SLC18A1: variants seen among roughly 807,000 people sequenced by gnomAD.
SLC18A1 encodes the protein chromaffin granule amine transporter.
A neutral mutation model predicts 53.7 loss-of-function variants in SLC18A1; 69 were observed. That is an observed-to-expected ratio of 1.28 (90% CI 1.06 to 1.57). The LOEUF is 1.57. Ranked by LOEUF, SLC18A1 falls within the 40% of genes most tolerant of loss-of-function variation. SLC18A1 has a pLI of 0.00. For synonymous variants in SLC18A1, 320 were observed against 248.1 expected (o/e 1.29, Z -2.72); for missense variants, 932 against 668.1 (o/e 1.40, Z -4.35).
intron 4 of SLC18A1, 149 bp downstream of exon 4, chr8:20,178,285 CA>C: frequency 4.7e-6 from 3 of 636,990 alleles, no homozygotes; most frequent in Middle Eastern, 3.3e-4. Context: ...GTCCACATAC[CA>C]AAAACAGCAG....
chr8:20,149,568 G>T, intron 12 of SLC18A1, 108 bp downstream of exon 12: 1 of 885,704 alleles, frequency 1.1e-6, no homozygotes, highest in African/African-American at 1.8e-5. Flanking sequence ...AAATGTCTGT[G>T]TCTTTCTCTC....
intron 5 of SLC18A1, among the ~76,000 whole-genome samples, 177 bp from the exon 6 acceptor site, chr8:20,173,305 A>G (rs1234269222): frequency 6.6e-6 from 1 of 152,156 alleles, no homozygotes; most frequent in Non-Finnish European, 1.5e-5. Context: ...CTAGTCCCCC[A>G]AGCCCCCACA....
intron 10 of SLC18A1, among the ~76,000 whole-genome samples, chr8:20,161,434 T>A (rs769129472): frequency 4.6e-5 from 7 of 152,174 alleles, no homozygotes; most frequent in Non-Finnish European, 8.8e-5. Flanking sequence ...ATATAGCATT[T>A]CCATTGCATT....
chr8:20,157,944 A>G (rs2071723128), intron 10 of SLC18A1, among the ~76,000 whole-genome samples: 1 of 152,216 alleles, frequency 6.6e-6, no homozygotes, highest in Non-Finnish European at 1.5e-5. Flanking sequence ...CGCTTTAAAA[A>G]AGATTGTCCG....
Position 20,147,719 on chromosome 8 carries a change from A to C in SLC18A1, c.1214T>G (p.Met405Arg). ...PNAGLGLAIG[M>R]VDSSMMPIMG... ...GATGGGCATCATAGAAGAATCCACCATGCCTGTGGCCAGAGCAAACAGGAC... is the reference window on the plus strand; with the variant it reads ...GATGGGCATCATAGAAGAATCCACCCTGCCTGTGGCCAGAGCAAACAGGAC... Residue 405 changes from methionine to arginine, a missense_variant, in exon 14 of 16, where the codon ATG becomes AGG. By Grantham distance (91) the Met-to-Arg change is moderately conservative. Coordinates refer to ENST00000276373, the MANE Select transcript of SLC18A1 (RefSeq NM_003053.4). 6.2e-7 allele frequency: 1 copy of C among 1,613,046 alleles called. No individual in the cohort carries two copies. The highest frequency in any genetic ancestry group is 2.2e-5 in the East Asian group (1 of 44,824).
Position 20,178,371 on chromosome 8 carries a change from G to A in SLC18A1, c.547+64C>T, listed in dbSNP as rs371353314. On this transcript the variant is annotated intron_variant, in intron 4 of 15. Coordinates refer to ENST00000276373, the MANE Select transcript of SLC18A1 (RefSeq NM_003053.4). ...TCTAGGTTACCCTGCTATCTACACC[G>A]CATTCACTTGATAAAATCAAAGGTA... 4.7e-5 allele frequency: 61 copies of A among 1,305,974 alleles called. No homozygotes were observed. In the Middle Eastern group the frequency reaches 5.5e-4, roughly 12 times the overall value. 80.9% of individuals were successfully genotyped at this position (1,305,974 alleles called of 1,614,324 possible).
intron 12 of SLC18A1, 83 bp downstream of exon 12, chr8:20,149,589 CCTCT>C (rs60330468): frequency 0.057 from 44,038 of 770,420 alleles, 543 homozygotes; most frequent in East Asian, 0.16. Context: ...TCTCTCTCTC[CCTCT>C]CTCTCTCTCT....
At chr8:20,166,289 C>CTATATATATATA (rs1181101416) in intron 8 of SLC18A1, among the ~76,000 whole-genome samples, 11 of 107,256 alleles carry the variant, frequency 1.0e-4, no homozygotes, top group African/African-American at 1.7e-4. Flanking sequence ...GTGTGTGTGT[C>CTATATATATATA]TATATATATA....
intron 10 of SLC18A1, among the ~76,000 whole-genome samples, chr8:20,159,585 T>A (rs139139718): frequency 1.9e-3 from 250 of 130,364 alleles, no homozygotes; most frequent in African/African-American, 6.5e-3. Flanking sequence ...TTGGGCCGCC[T>A]CCCATTATAT....
intron 2 of SLC18A1, among the ~76,000 whole-genome samples, chr8:20,180,368 T>C (rs1427140502): frequency 6.6e-6 from 1 of 152,042 alleles, no homozygotes; most frequent in Non-Finnish European, 1.5e-5. Flanking sequence ...TAGGAGAGTA[T>C]CAACTAAAAA....
intron 5 of SLC18A1, among the ~76,000 whole-genome samples, chr8:20,173,426 G>A (rs1339007072): frequency 6.6e-6 from 1 of 152,050 alleles, no homozygotes; most frequent in Non-Finnish European, 1.5e-5. Flanking sequence ...TCATTTCCTA[G>A]CACATTTCCC....
At chr8:20,178,121 A>AACACAC (rs10560327) in intron 4 of SLC18A1, among the ~76,000 whole-genome samples, 35,097 of 148,638 alleles carry the variant, frequency 0.24, 4,803 homozygotes, top group Non-Finnish European at 0.32. Context: ...TGATGCATAT[A>AACACAC]ACACACACAC....
chr8:20,171,497 G>A lies in SLC18A1; in HGVS notation c.725-3C>T, dbSNP rs1196123014. On this transcript the variant is annotated splice_polypyrimidine_tract_variant and splice_region_variant and intron_variant, in intron 6 of 15. Transcript: ENST00000276373. The stretch of plus-strand genomic sequence containing the variant: ...TACACTTCCAAAGGGAGCTCCCACT[G>A]GAGAGGCATAGGAGACACAGATTCC... The A allele has an allele frequency of 6.2e-7, 1 of 1,612,006 alleles. No individual in the cohort carries two copies. The highest frequency in any genetic ancestry group is 1.7e-5 in the Admixed American group (1 of 60,020).
chr8:20,161,409 G>A (rs1219219494), intron 10 of SLC18A1, among the ~76,000 whole-genome samples: 1 of 152,060 alleles, frequency 6.6e-6, no homozygotes, highest in Non-Finnish European at 1.5e-5. Flanking sequence ...AAATAATACA[G>A]TATAACAACT....
chr8:20,148,499 A>T, intron 12 of SLC18A1: 2 of 1,286,408 alleles, frequency 1.6e-6, no homozygotes, highest in Non-Finnish European at 2.0e-6. Flanking sequence ...GGTTTCATTT[A>T]GACTTCTAAC....
chr8:20,176,457 C>T (rs2072254205), intron 4 of SLC18A1, among the ~76,000 whole-genome samples: 1 of 152,176 alleles, frequency 6.6e-6, no homozygotes. Context: ...TATAGCAATG[C>T]TAAATGGACT....
intron 10 of SLC18A1, among the ~76,000 whole-genome samples, chr8:20,162,836 C>T (rs62498222): frequency 6.6e-6 from 1 of 152,146 alleles, no homozygotes; most frequent in African/African-American, 2.4e-5. Context: ...CCAGAATCAC[C>T]CTTAATGCCT....
In SLC18A1 at chr8:20,179,161, G is replaced by C; in HGVS notation, c.448C>G (p.Gln150Glu). The C allele has an allele frequency of 2.5e-6, 4 of 1,613,988 alleles. No homozygotes were observed. The highest frequency in any genetic ancestry group is 3.4e-6 in the Non-Finnish European group (4 of 1,179,898). Reference sequence around the variant, plus strand: ...CCCACGAATGGGTTGACCAGAAGTTGCATCACAGCCTTTGAAGCAAACAGA... The same window carrying C: ...CCCACGAATGGGTTGACCAGAAGTTCCATCACAGCCTTTGAAGCAAACAGA... ...GVLFASKAVM[Q>E]LLVNPFVGPL... Residue 150 changes from glutamine (Q) to glutamate (E), a missense_variant, in exon 3 of 16, where the codon CAA becomes GAA. Transcript: ENST00000276373.
At chr8:20,149,427 C>T (rs1318295886) in intron 12 of SLC18A1, among the ~76,000 whole-genome samples, 1 of 152,080 alleles carries the variant, frequency 6.6e-6, no homozygotes, top group African/African-American at 2.4e-5. Flanking sequence ...TCCTTTCCCA[C>T]TTCCCCTCAA....
Sources: allele counts gnomAD v4.1 joint callset (sites outside exome capture counted in the v4.1 genomes callset), GRCh38; gene constraint gnomAD v4.1.1; transcripts MANE v1.5; gene names NCBI Gene and HGNC (gene_info 2026-07-23, HGNC 2026-07-21).